The following DCT variants were observed in gnomAD, a reference collection of about 807,000 sequenced individuals.
DCT encodes the protein dopachrome tautomerase.
Under a neutral mutation model 53.0 loss-of-function variants are expected in DCT, and 47 were observed. The observed-to-expected ratio is 0.89, with a 90% CI of 0.70 to 1.13. The LOEUF (loss-of-function observed/expected upper bound fraction) is 1.13. Ranked by LOEUF, DCT falls within the 50% of genes most tolerant of loss-of-function variation. DCT has a pLI of 0.00. For missense variants in DCT, 669 were observed against 637.4 expected (o/e 1.05, Z -0.53); for synonymous variants, 244 against 237.0 (o/e 1.03, Z -0.27).
At position 94,439,249 on chromosome 13, in the gene DCT, A is replaced by G. The variant is rs1302785454; in HGVS notation, c.*649T>C. On this transcript the variant is annotated 3_prime_UTR_variant, in exon 8 of 8. Transcript: ENST00000377028. ...CCGTAAAATCTAGTTTACACAATAG[A>G]GTGGAATTGATCCTTCATTTAGTCA... 2 of 152,406 alleles carry G rather than the reference A, an allele frequency of 1.3e-5. No homozygotes were observed. The highest frequency in any genetic ancestry group is 2.9e-5 in the Non-Finnish European group (2 of 68,206). 9.4% of individuals were successfully genotyped at this position (152,406 alleles called of 1,614,324 possible). A position where few individuals can be genotyped will look rare whatever the true frequency, so the allele number is the denominator to read the frequency against.
At chr13:94,531,313 A>G in the DCT span, among the ~76,000 whole-genome samples, 1 of 152,336 alleles carries the variant, frequency 6.6e-6, no homozygotes, top group South Asian at 2.1e-4. Context: ...ATGGAACCAA[A>G]AAAGAGCCCA....
upstream of DCT, among the ~76,000 whole-genome samples, chr13:94,483,527 G>C (rs1020654818): frequency 5.3e-5 from 8 of 151,040 alleles, no homozygotes; most frequent in Admixed American, 4.0e-4. Flanking sequence ...TTTTGAGACA[G>C]AGTCTCACTG....
chr13:94,462,046 T>C lies in DCT; in HGVS notation c.1007A>G (p.Asn336Ser), dbSNP rs753213570. ...RDCLSLQKFD[N>S]PPFFQNSTFS... ...GGTAGAGTTCTGGAAGAAGGGAGGATTGTCAAACTTCTGGAGAGACAGGCA... is the reference window on the plus strand; with the variant it reads ...GGTAGAGTTCTGGAAGAAGGGAGGACTGTCAAACTTCTGGAGAGACAGGCA... The change falls in exon 5 of 8, where the codon AAT becomes AGT. Residue 336 changes from asparagine (N) to serine (S), a missense_variant. Physicochemically the swap from Asn to Ser is conservative, Grantham distance 46. Coordinates refer to ENST00000377028, the MANE Select transcript of DCT (RefSeq NM_001922.5). 6.2e-7 allele frequency: 1 copy of C among 1,613,224 alleles called. No individual in the cohort carries two copies. Among genetic ancestry groups the C allele is most frequent in the East Asian group, 2.2e-5 (1 of 44,854 alleles).
At chr13:94,545,019 C>T in the DCT span, among the ~76,000 whole-genome samples, 55,774 of 151,760 alleles carry the variant, frequency 0.37, 10,654 homozygotes, top group East Asian at 0.61. Flanking sequence ...AAGTAAGTGG[C>T]GACCCTATTC....
At chr13:94,525,006 C>A in the DCT span, among the ~76,000 whole-genome samples, 1 of 152,158 alleles carries the variant, frequency 6.6e-6, no homozygotes, top group Non-Finnish European at 1.5e-5. Context: ...CAGGAAACCA[C>A]CAAAAGCTAG....
At chr13:94,510,785 C>A in the DCT span, among the ~76,000 whole-genome samples, 1 of 152,154 alleles carries the variant, frequency 6.6e-6, no homozygotes, top group East Asian at 1.9e-4. Context: ...TCCAAGCTCA[C>A]GCATCCAACC....
the DCT span, among the ~76,000 whole-genome samples, chr13:94,517,589 C>G: frequency 1.3e-5 from 2 of 152,166 alleles, no homozygotes; most frequent in Non-Finnish European, 2.9e-5. Context: ...GTAAATGTTG[C>G]CTTGTATGGC....
the DCT span, among the ~76,000 whole-genome samples, chr13:94,533,715 T>C: frequency 5.5e-4 from 83 of 151,354 alleles, 2 homozygotes; most frequent in East Asian, 0.015. Flanking sequence ...AACCCAGGAG[T>C]TGGAGGTTGC....
At chr13:94,522,500 T>TCA in the DCT span, among the ~76,000 whole-genome samples, 1 of 151,494 alleles carries the variant, frequency 6.6e-6, no homozygotes, top group Admixed American at 6.6e-5. Context: ...AAATTCCCCT[T>TCA]TATATATATA....
chr13:94,523,736 G>C, the DCT span, among the ~76,000 whole-genome samples: 2 of 152,126 alleles, frequency 1.3e-5, no homozygotes, highest in Admixed American at 1.3e-4. Context: ...CCTAATTGGG[G>C]AGAAATGAGA....
the DCT span, among the ~76,000 whole-genome samples, chr13:94,543,398 C>A: frequency 6.6e-6 from 1 of 152,104 alleles, no homozygotes; most frequent in Non-Finnish European, 1.5e-5. Context: ...GGCTAGCAGT[C>A]CTATTTGAAC....
intron 6 of DCT, among the ~76,000 whole-genome samples, chr13:94,450,547 T>C (rs1355489114): frequency 6.6e-6 from 1 of 152,008 alleles, no homozygotes; most frequent in African/African-American, 2.4e-5. Context: ...ATGTACACAA[T>C]ATACATTGTA....
rs1217018231 is a variant in DCT, at chr13:94,479,666, T to C, written c.-411A>G. 6.1e-6 allele frequency: 1 copy of C among 162,788 alleles called. No homozygotes were observed. Among genetic ancestry groups the C allele is most frequent in the Non-Finnish European group, 1.4e-5 (1 of 74,066 alleles). The allele number at this position is 162,788 out of a possible 1,614,324, so 10.1% of individuals were successfully genotyped here. A position where few individuals can be genotyped will look rare whatever the true frequency, so the allele number is the denominator to read the frequency against. ...CTCCCTCCTTAGCTCTTGACTTTAA[T>C]TGCCTTGAACTCAGTTCAAAAGCCA... On this transcript the variant is annotated 5_prime_UTR_variant, in exon 1 of 8. Coordinates refer to ENST00000377028, the MANE Select transcript of DCT (RefSeq NM_001922.5).
the DCT span, among the ~76,000 whole-genome samples, chr13:94,496,464 G>A: frequency 0.032 from 4,818 of 152,094 alleles, 116 homozygotes; most frequent in Non-Finnish European, 0.043. Context: ...AAAATGCTAG[G>A]ATTACAGGCA....
At chr13:94,490,504 CAAAAAAAAAAAA>C in the DCT span, among the ~76,000 whole-genome samples, 1 of 35,474 alleles carries the variant, frequency 2.8e-5, no homozygotes, top group Non-Finnish European at 4.9e-5. Flanking sequence ...GACTCGGTCT[CAAAAAAAAAAAA>C]AAAAAAAAAA....
chr13:94,530,876 T>C, the DCT span, among the ~76,000 whole-genome samples: 12,123 of 152,230 alleles, frequency 0.08, 1,076 homozygotes, highest in African/African-American at 0.21. Context: ...GACATTATTG[T>C]ATATTTAGAA....
intron 6 of DCT, among the ~76,000 whole-genome samples, chr13:94,447,255 G>A (rs534198503): frequency 2.6e-5 from 4 of 152,270 alleles, no homozygotes; most frequent in East Asian, 3.9e-4. Flanking sequence ...CAATTTTCAC[G>A]GACCAGGGGG....
chr13:94,440,878 G>C (rs888717083), intron 7 of DCT, among the ~76,000 whole-genome samples: 1 of 151,640 alleles, frequency 6.6e-6, no homozygotes, highest in Non-Finnish European at 1.5e-5. Flanking sequence ...ACAGGGTTTC[G>C]CCATGTTGGC....
the DCT span, among the ~76,000 whole-genome samples, chr13:94,548,922 C>G: frequency 1.3e-5 from 2 of 151,498 alleles, no homozygotes; most frequent in Admixed American, 1.3e-4. Flanking sequence ...GCTGCCTATC[C>G]AGGGCCGAGA....
Sources: gnomAD v4.1 joint callset for allele counts (sites outside exome capture counted in the v4.1 genomes callset) on GRCh38, gnomAD v4.1.1 for gene constraint, MANE v1.5 for transcripts, NCBI Gene and HGNC (gene_info 2026-07-23, HGNC 2026-07-21) for gene names.